ARAP2: variants seen among roughly 807,000 people sequenced by gnomAD.
ARAP2 encodes the protein ArfGAP with RhoGAP domain, ankyrin repeat and PH domain 2.
In ARAP2, 148 loss-of-function variants were observed where a neutral mutation model predicts 194.5. The observed-to-expected ratio is 0.76, with a 90% confidence interval of 0.67 to 0.87. The LOEUF (loss-of-function observed/expected upper bound fraction) is 0.87. Ranked by LOEUF, ARAP2 falls within the 40% of genes least tolerant of loss-of-function variation. ARAP2 has a pLI of 0.00. For missense variants in ARAP2, 2,128 were observed against 1,989.7 expected (o/e 1.07, Z -1.32); for synonymous variants, 695 against 683.5 (o/e 1.02, Z -0.26).
intron 31 of ARAP2, among the ~76,000 whole-genome samples, chr4:36,074,365 A>C (rs1203141869): frequency 6.6e-6 from 1 of 152,140 alleles, no homozygotes; most frequent in East Asian, 1.9e-4. Context: ...CTTTACTGAA[A>C]ATCATTGTAC....
At chr4:36,016,210 A>G (rs191396817) in intron 6 of ARAP2, among the ~76,000 whole-genome samples, 10 of 152,310 alleles carry the variant, frequency 6.6e-5, no homozygotes, top group Admixed American at 2.6e-4. Flanking sequence ...TATGTATAGT[A>G]TAATAGGACT....
intron 2 of ARAP2, among the ~76,000 whole-genome samples, chr4:36,228,369 G>T (rs978281878): frequency 2.6e-5 from 4 of 152,120 alleles, no homozygotes; most frequent in African/African-American, 9.7e-5. Flanking sequence ...CTTAAATAGG[G>T]AAAAGCTAAA....
At chr4:36,157,877 A>G (rs1168483040) in intron 15 of ARAP2, among the ~76,000 whole-genome samples, 1 of 152,152 alleles carries the variant, frequency 6.6e-6, no homozygotes, top group Non-Finnish European at 1.5e-5. Flanking sequence ...TTAACACTCT[A>G]CAGTGAGTTT....
intron 27 of ARAP2, among the ~76,000 whole-genome samples, chr4:36,095,693 A>G (rs1021757752): frequency 6.6e-6 from 1 of 152,062 alleles, no homozygotes; most frequent in African/African-American, 2.4e-5. Flanking sequence ...TTGTGAGAAC[A>G]TCAAATTTGT....
chr4:36,082,100 C>T lies in ARAP2; in HGVS notation c.4544+151G>A. ...AACCCTGATACAAATCTGTTTTCCT[C>T]TTCTTAGGCTCAAAGTCTTTACAAA... On this transcript the variant is annotated intron_variant, in intron 30 of 32. Transcript: ENST00000303965. 4.3e-6 allele frequency: 3 copies of T among 705,442 alleles called. No individual in the cohort carries two copies. The East Asian group carries it at 8.4e-5, about 20-fold the overall frequency. 43.7% of individuals were successfully genotyped at this position (705,442 alleles called of 1,614,324 possible).
chr4:36,171,293 G>A (rs1736566847), intron 9 of ARAP2, among the ~76,000 whole-genome samples: 1 of 152,110 alleles, frequency 6.6e-6, no homozygotes, highest in Admixed American at 6.5e-5. Context: ...ACGATAGACT[G>A]GATTAAGAAA....
intron 31 of ARAP2, 23 bp downstream of exon 31, chr4:36,080,193 G>T: frequency 6.3e-7 from 1 of 1,598,294 alleles, no homozygotes; most frequent in Non-Finnish European, 8.6e-7. Context: ...TACTCTACTG[G>T]ATAGTTCAAA....
At chr4:36,160,694 G>C (rs1290112958) in intron 12 of ARAP2, 53 bp from the exon 13 acceptor site, 7 of 1,281,664 alleles carry the variant, frequency 5.5e-6, no homozygotes, top group Middle Eastern at 2.6e-4. Context: ...AAATATATTT[G>C]AATCTGCAGG....
chr4:36,204,701 A>G (rs1181047695), intron 6 of ARAP2, among the ~76,000 whole-genome samples: 1 of 152,176 alleles, frequency 6.6e-6, no homozygotes, highest in Admixed American at 6.5e-5. Flanking sequence ...TTAAAAATTA[A>G]GCAAACAGGC....
chr4:36,189,082 G>A (rs1272722036), intron 7 of ARAP2, among the ~76,000 whole-genome samples: 1 of 152,010 alleles, frequency 6.6e-6, no homozygotes, highest in Non-Finnish European at 1.5e-5. Flanking sequence ...GTCCTCCCAT[G>A]CAGCCAAAAC....
chr4:36,243,920 C>CTAG (rs1754088559), intron 1 of ARAP2: 1 of 152,226 alleles, frequency 6.6e-6, no homozygotes, highest in African/African-American at 2.4e-5. Context: ...GAGGGAGTGT[C>CTAG]CAGCTGTCTA....
Position 36,117,227 on chromosome 4 carries a change from T to C in ARAP2, c.3964-92A>G, listed in dbSNP as rs995138535. 7 of 836,870 alleles carry C rather than the reference T, an allele frequency of 8.4e-6. No individual in the cohort carries two copies. In the African/African-American group the frequency reaches 1.3e-4, roughly 15 times the overall value. The allele number at this position is 836,870 out of a possible 1,614,324, so 51.8% of individuals were successfully genotyped here. On this transcript the variant is annotated intron_variant, in intron 24 of 32. Coordinates refer to ENST00000303965, the MANE Select transcript of ARAP2 (RefSeq NM_015230.4). Reference sequence around the variant, plus strand: ...AGACAGCTATAAAGCCCCAGTCATATTTCTGAATATTTTATAACAATGAAA... The same window carrying C: ...AGACAGCTATAAAGCCCCAGTCATACTTCTGAATATTTTATAACAATGAAA...
intron 27 of ARAP2, among the ~76,000 whole-genome samples, chr4:36,101,577 G>A (rs1716941632): frequency 6.6e-6 from 1 of 151,828 alleles, no homozygotes; most frequent in Non-Finnish European, 1.5e-5. Context: ...GTTAATAAAT[G>A]CAGAGATAGC....
chr4:36,014,378 G>GAA (rs1461316368), intron 8 of ARAP2, among the ~76,000 whole-genome samples: 1 of 130,618 alleles, frequency 7.7e-6, no homozygotes, highest in African/African-American at 2.6e-5. Flanking sequence ...AAGAAAGAAA[G>GAA]AAAGAAAATG....
intron 8 of ARAP2, among the ~76,000 whole-genome samples, chr4:36,185,537 AT>A (rs1454203908): frequency 6.6e-6 from 1 of 152,134 alleles, no homozygotes; most frequent in Non-Finnish European, 1.5e-5. Context: ...TTAGTAGTAT[AT>A]AATATTTATT....
At chr4:36,198,744 G>A (rs1283064252) in intron 6 of ARAP2, among the ~76,000 whole-genome samples, 2 of 152,240 alleles carry the variant, frequency 1.3e-5, no homozygotes, top group Non-Finnish European at 2.9e-5. Context: ...GGAGAAGCCA[G>A]GCAGTTGGAG....
intron 20 of ARAP2, among the ~76,000 whole-genome samples, chr4:36,129,660 G>T (rs1724922043): frequency 6.6e-6 from 1 of 151,176 alleles, no homozygotes; most frequent in South Asian, 2.1e-4. Context: ...AATTTTTTCT[G>T]CTCAACTAAT....
intron 1 of ARAP2, among the ~76,000 whole-genome samples, chr4:36,060,995 A>C (rs142012081): frequency 3.2e-4 from 49 of 152,306 alleles, no homozygotes; most frequent in African/African-American, 1.2e-3. Flanking sequence ...AACTTGTGGT[A>C]ATCTGCTTTA....
At chr4:36,008,758 T>C (rs542028270) in intron 9 of ARAP2, among the ~76,000 whole-genome samples, 18 of 151,946 alleles carry the variant, frequency 1.2e-4, no homozygotes, top group African/African-American at 3.9e-4. Flanking sequence ...AATAAACAGA[T>C]AACCTAAAGA....
Sources: gnomAD v4.1 joint callset for allele counts (sites outside exome capture counted in the v4.1 genomes callset) on GRCh38, gnomAD v4.1.1 for gene constraint, MANE v1.5 for transcripts, NCBI Gene and HGNC (gene_info 2026-07-23, HGNC 2026-07-21) for gene names.